THSD4: variants seen among roughly 807,000 people sequenced by gnomAD.
THSD4 encodes the protein thrombospondin type 1 domain containing 4.
In THSD4, 69 loss-of-function variants were observed where a neutral mutation model predicts 119.0. That is an observed-to-expected ratio of 0.58 (90% CI 0.48 to 0.71). THSD4 has a LOEUF of 0.71. Among genes scored for constraint, THSD4 ranks in the 30% least tolerant of loss-of-function variants. The pLI, the probability that THSD4 is intolerant of heterozygous loss-of-function variation, is 0.00. For synonymous variants in THSD4, 524 were observed against 540.4 expected, an observed-to-expected ratio of 0.97 and a Z score of 0.42; for missense variants, 1,393 against 1,391.1, an observed-to-expected ratio of 1.00 and a Z score of -0.02.
intron 11 of THSD4, among the ~76,000 whole-genome samples, chr15:71,740,992 A>G (rs1469660191): frequency 6.6e-6 from 1 of 152,202 alleles, no homozygotes; most frequent in Non-Finnish European, 1.5e-5. Context: ...ACCAGGCATC[A>G]TACCAAGCAC....
chr15:71,729,441 A>G (rs2052930009), intron 9 of THSD4: 1 of 152,306 alleles, frequency 6.6e-6, no homozygotes, highest in African/African-American at 2.4e-5. Context: ...ACCCATGAAT[A>G]TACACATTAT....
In THSD4 at chr15:71,689,758, T is replaced by C. The variant is rs531548442; in HGVS notation, c.1357+29024T>C. On this transcript the variant is annotated intron_variant, in intron 8 of 17. Coordinates refer to ENST00000261862, the MANE Select transcript of THSD4 (RefSeq NM_024817.3). ...CATGGGGATTGAGAAGATGTACACA[T>C]GAAAGTGCCAGCACCTCTTCTGGAC... 1.1e-4 allele frequency among the ~76,000 whole-genome samples: 17 copies of C among 152,318 alleles called. No homozygotes were observed. The South Asian group carries it at 3.5e-3, about 32-fold the overall frequency.
chr15:71,724,278 TA>T (rs1567119853), intron 8 of THSD4, among the ~76,000 whole-genome samples: 1,132 of 37,156 alleles, frequency 0.03, 60 homozygotes, highest in African/African-American at 0.067. Context: ...TATATATATA[TA>T]TATATATATT....
chr15:71,255,891 T>C (rs1384340926), intron 5 of THSD4, among the ~76,000 whole-genome samples: 1 of 152,218 alleles, frequency 6.6e-6, no homozygotes, highest in Non-Finnish European at 1.5e-5. Flanking sequence ...CTGCCGTGGC[T>C]ACTATTCCAT....
In THSD4 at chr15:71,208,186, C is replaced by T. The variant is rs143738418; in HGVS notation, c.100-6849C>T. 2.8e-3 allele frequency among the ~76,000 whole-genome samples: 428 copies of T among 152,306 alleles called. 4 individuals carry two copies. Among genetic ancestry groups the T allele is most frequent in the African/African-American group, 9.7e-3 (402 of 41,562 alleles). On this transcript the variant is annotated intron_variant, in intron 3 of 17. Transcript: ENST00000261862. ...GGCAGGGCCCCTGAATACATTTCCA[C>T]CACACTTAATCCAATGTGGAGAGGT...
chr15:71,591,005 C>CAAAAACAAAAAAAAAAAAAA (rs2049788006), intron 7 of THSD4, among the ~76,000 whole-genome samples: 1 of 57,482 alleles, frequency 1.7e-5, no homozygotes. Context: ...GACTCCATCT[C>CAAAAACAAAAAAAAAAAAAA]AAAAAAAAAA....
At chr15:71,191,904 CTT>C (rs11452105) in intron 3 of THSD4, among the ~76,000 whole-genome samples, 3 of 142,454 alleles carry the variant, frequency 2.1e-5, no homozygotes, top group Admixed American at 7.0e-5. Context: ...TCTTCTTCTT[CTT>C]TTTTTTTTTT....
rs554536368 is a variant in THSD4, at chr15:71,107,364, A to C, written c.-80+10358A>C. On this transcript the variant is annotated intron_variant, in intron 1 of 17. Transcript: ENST00000355327. ...AGGAAAGAAAAGAAAGAAAGAAGGAAAGAGAGAAGGAAGGAAGGAGAAAAA... is the reference window on the plus strand; with the variant it reads ...AGGAAAGAAAAGAAAGAAAGAAGGACAGAGAGAAGGAAGGAAGGAGAAAAA... Among the ~76,000 whole-genome samples the C allele has an allele frequency of 6.6e-5, 10 of 152,302 alleles. No individual in the cohort carries two copies. In the South Asian group the frequency reaches 2.1e-3, roughly 32 times the overall value.
At chr15:71,501,126 G>A (rs1009307080) in intron 7 of THSD4, among the ~76,000 whole-genome samples, 18 of 152,078 alleles carry the variant, frequency 1.2e-4, no homozygotes, top group South Asian at 4.2e-4. Context: ...ATGTCTTTCC[G>A]TCCAGCGCAA....
At chr15:71,727,241 G>A (rs1004872001) in intron 8 of THSD4, among the ~76,000 whole-genome samples, 1 of 152,006 alleles carries the variant, frequency 6.6e-6, no homozygotes, top group Non-Finnish European at 1.5e-5. Flanking sequence ...AAATTTGACA[G>A]TGCACGTGCG....
At chr15:71,722,645 A>G (rs974118940) in intron 8 of THSD4, among the ~76,000 whole-genome samples, 1 of 152,178 alleles carries the variant, frequency 6.6e-6, no homozygotes, top group Admixed American at 6.5e-5. Context: ...TGCTTGTACC[A>G]TGTCCGTTAC....
At chr15:71,688,685 G>GA (rs2051971430) in intron 8 of THSD4, among the ~76,000 whole-genome samples, 2 of 130,096 alleles carry the variant, frequency 1.5e-5, no homozygotes, top group African/African-American at 6.1e-5. Flanking sequence ...TTGTTGTTGA[G>GA]GTTTTTTTTT....
chr15:71,651,118 C>T (rs2051079042), intron 7 of THSD4, among the ~76,000 whole-genome samples: 2 of 152,190 alleles, frequency 1.3e-5, no homozygotes, highest in Admixed American at 1.3e-4. Context: ...GCCTGCCCCC[C>T]AGTGGAGTTT....
intron 7 of THSD4, among the ~76,000 whole-genome samples, chr15:71,565,506 G>C (rs1373914727): frequency 1.3e-5 from 2 of 152,172 alleles, no homozygotes; most frequent in African/African-American, 4.8e-5. Context: ...ATGTGATACA[G>C]ACAATTAGAA....
chr15:71,691,175 G>A (rs980530100), intron 8 of THSD4, among the ~76,000 whole-genome samples: 15 of 152,276 alleles, frequency 9.9e-5, no homozygotes, highest in African/African-American at 3.6e-4. Flanking sequence ...AGCTGGAAAG[G>A]CAAGGAAACA....
At chr15:71,587,444 T>TA (rs912652712) in intron 7 of THSD4, among the ~76,000 whole-genome samples, 53 of 116,462 alleles carry the variant, frequency 4.6e-4, no homozygotes, top group Non-Finnish European at 1.9e-4. Context: ...TATGCAGCCG[T>TA]AAAAAATGAT....
chr15:71,684,245 C>T (rs7165100), intron 8 of THSD4, among the ~76,000 whole-genome samples: 30,192 of 151,780 alleles, frequency 0.2, 3,568 homozygotes, highest in African/African-American at 0.34. Flanking sequence ...AATTTCGTTG[C>T]GCTTTTATAA....
chr15:71,162,276 A>G (rs1048233595), intron 3 of THSD4, among the ~76,000 whole-genome samples: 1 of 152,010 alleles, frequency 6.6e-6, no homozygotes, highest in Non-Finnish European at 1.5e-5. Context: ...GTTTCCAGCT[A>G]TAGCAATTCT....
Position 71,724,287 on chromosome 15 carries a change from A to ATATATATATATATATATATTTT in THSD4, c.1358-4261_1358-4260insATATATATATATATATATTTTT. 2.4e-3 allele frequency among the ~76,000 whole-genome samples: 90 copies of ATATATATATATATATATATTTT among 37,240 alleles called. 4 individuals carry two copies. Among genetic ancestry groups the ATATATATATATATATATATTTT allele is most frequent in the Middle Eastern group, 0.02 (1 of 50 alleles). The allele number at this position is 37,240 out of a possible 152,430, so 24.4% of individuals were successfully genotyped here. A position where few individuals can be genotyped will look rare whatever the true frequency, so the allele number is the denominator to read the frequency against. On this transcript the variant is annotated intron_variant, in intron 8 of 17. Coordinates refer to ENST00000261862, the MANE Select transcript of THSD4 (RefSeq NM_024817.3). ...ATGGGATATATATATATATATATAT[A>ATATATATATATATATATATTTT]TTTTTTTTTTCCCCCCAAGATGGAA...
Sources: gnomAD v4.1 joint callset for allele counts (sites outside exome capture counted in the v4.1 genomes callset) on GRCh38, gnomAD v4.1.1 for gene constraint, MANE v1.5 for transcripts, NCBI Gene and HGNC (gene_info 2026-07-23, HGNC 2026-07-21) for gene names.